The following BRINP3 variants were observed in gnomAD, a reference collection of about 807,000 sequenced individuals.
BRINP3 encodes BMP/retinoic acid-inducible neural-specific protein 3.
Under a neutral mutation model 71.0 loss-of-function variants are expected in BRINP3, and 19 were observed. The ratio of observed to expected loss-of-function variants is 0.27; its 90% CI spans 0.19 to 0.39. The LOEUF (loss-of-function observed/expected upper bound fraction) is 0.39. BRINP3 is among the 10% of genes least tolerant of loss of function. BRINP3 has a pLI of 1.00. For synonymous variants in BRINP3, 380 were observed against 337.7 expected, an observed-to-expected ratio of 1.13 and a Z score of -1.37; for missense variants, 959 against 940.8, an observed-to-expected ratio of 1.02 and a Z score of -0.25.
intron 7 of BRINP3, among the ~76,000 whole-genome samples, chr1:190,145,024 T>C (rs1406637265): frequency 6.6e-6 from 1 of 152,166 alleles, no homozygotes. Flanking sequence ...TGGCATGTCC[T>C]TTTTTTCTTT....
At chr1:190,172,852 C>A (rs1358440650) in intron 6 of BRINP3, among the ~76,000 whole-genome samples, 1 of 152,136 alleles carries the variant, frequency 6.6e-6, no homozygotes, top group East Asian at 1.9e-4. Flanking sequence ...ATAGAAATGG[C>A]AGCATTCCCA....
chr1:190,366,792 T>C (rs1375814181), intron 2 of BRINP3, among the ~76,000 whole-genome samples: 2 of 152,044 alleles, frequency 1.3e-5, no homozygotes, highest in African/African-American at 2.4e-5. Context: ...GTCCAAAATA[T>C]AATAGTGCAG....
At chr1:190,358,548 T>G (rs1207091804) in intron 2 of BRINP3, among the ~76,000 whole-genome samples, 1 of 152,232 alleles carries the variant, frequency 6.6e-6, no homozygotes, top group Non-Finnish European at 1.5e-5. Context: ...ATAGGAACAC[T>G]TTTACACTGT....
intron 2 of BRINP3, among the ~76,000 whole-genome samples, chr1:190,392,442 GTAACT>G (rs945636783): frequency 6.6e-6 from 1 of 151,490 alleles, no homozygotes; most frequent in African/African-American, 2.4e-5. Flanking sequence ...GAAAAGTGAG[GTAACT>G]TGACTTGGTT....
chr1:190,288,502 A>G (rs1275045002), intron 2 of BRINP3, among the ~76,000 whole-genome samples: 1 of 151,960 alleles, frequency 6.6e-6, no homozygotes, highest in Non-Finnish European at 1.5e-5. Flanking sequence ...TATACTCACC[A>G]ATTTAATTCA....
At chr1:190,132,617 T>C (rs371276040) in intron 7 of BRINP3, among the ~76,000 whole-genome samples, 4 of 152,248 alleles carry the variant, frequency 2.6e-5, no homozygotes, top group African/African-American at 4.8e-5. Context: ...ACACATAACA[T>C]AATAAATGAA....
At chr1:190,270,991 T>C (rs948404687) in intron 3 of BRINP3, among the ~76,000 whole-genome samples, 1 of 151,668 alleles carries the variant, frequency 6.6e-6, no homozygotes, top group South Asian at 2.1e-4. Flanking sequence ...TCAAAACATT[T>C]GATCCAATTA....
chr1:190,160,825 G>T lies in BRINP3; in HGVS notation c.1027C>A (p.His343Asn). 1 of 1,613,466 alleles carries T rather than the reference G, an allele frequency of 6.2e-7. No homozygotes were observed. The change falls in exon 7 of 8, where the codon CAT becomes AAT. Residue 343 changes from histidine (H) to asparagine (N), a missense_variant. Transcript: ENST00000367462. ...AAATTAGAATCCATTGTCCACAAAT[G>T]CATTATAGTAGATGTGTTGAGGAAA... ...NYFLNTSTIMHLWTMDSNFQR... is the reference protein window; with the variant it reads ...NYFLNTSTIMNLWTMDSNFQR...
At chr1:190,457,159 T>C (rs1354521263) in intron 1 of BRINP3, among the ~76,000 whole-genome samples, 1 of 152,066 alleles carries the variant, frequency 6.6e-6, no homozygotes, top group East Asian at 1.9e-4. Context: ...ATTCTAGCCC[T>C]GGCCAGGCAC....
chr1:190,320,663 A>C (rs913343702), intron 2 of BRINP3, among the ~76,000 whole-genome samples: 2 of 151,438 alleles, frequency 1.3e-5, no homozygotes, highest in African/African-American at 4.9e-5. Context: ...GGTCATAGTC[A>C]CTCCCACCCC....
In BRINP3 at chr1:190,220,111, G is replaced by T. The variant is rs547220372; in HGVS notation, c.961+5971C>A. On this transcript the variant is annotated intron_variant, in intron 6 of 7. Coordinates refer to ENST00000367462, the MANE Select transcript of BRINP3 (RefSeq NM_199051.3). ...GGTATAGAACGATCTGGGAATACTAGTCAGATTCAATCCCGATAAGACTAC... is the reference window on the plus strand; with the variant it reads ...GGTATAGAACGATCTGGGAATACTATTCAGATTCAATCCCGATAAGACTAC... 1.2e-4 allele frequency among the ~76,000 whole-genome samples: 18 copies of T among 152,148 alleles called. No homozygotes were observed. In the South Asian group the frequency reaches 3.7e-3, roughly 32 times the overall value.
intron 2 of BRINP3, among the ~76,000 whole-genome samples, chr1:190,328,721 G>GAAAAAAAAAAAA (rs201118005): frequency 1.1e-5 from 1 of 87,962 alleles, no homozygotes; most frequent in Admixed American, 1.1e-4. Flanking sequence ...AGACAATGAA[G>GAAAAAAAAAAAA]AAAAAAAAAA....
chr1:190,385,215 A>C (rs1670809930), intron 2 of BRINP3, among the ~76,000 whole-genome samples: 2 of 152,126 alleles, frequency 1.3e-5, no homozygotes, highest in South Asian at 2.1e-4. Context: ...GCAACAAAAG[A>C]CAAAATTGAC....
intron 7 of BRINP3, among the ~76,000 whole-genome samples, chr1:190,138,475 G>A (rs572089013): frequency 2.0e-5 from 3 of 152,314 alleles, no homozygotes; most frequent in Admixed American, 1.3e-4. Flanking sequence ...AAGCAGGTAT[G>A]AGTCAGAAAA....
chr1:190,252,809 T>C (rs1660268047), intron 4 of BRINP3, among the ~76,000 whole-genome samples: 1 of 151,934 alleles, frequency 6.6e-6, no homozygotes, highest in Admixed American at 6.6e-5. Context: ...TACTTTAACT[T>C]CTAGGGTACA....
At chr1:190,101,194 T>C (rs1395395131) in intron 7 of BRINP3, among the ~76,000 whole-genome samples, 1 of 152,202 alleles carries the variant, frequency 6.6e-6, no homozygotes, top group African/African-American at 2.4e-5. Context: ...TGGACTAAGA[T>C]AATTTATTTC....
intron 7 of BRINP3, among the ~76,000 whole-genome samples, chr1:190,145,089 C>A (rs1403797393): frequency 6.6e-6 from 1 of 151,798 alleles, no homozygotes; most frequent in Non-Finnish European, 1.5e-5. Context: ...ATATAATTTG[C>A]CCATTTACTT....
intron 7 of BRINP3, among the ~76,000 whole-genome samples, chr1:190,142,580 T>C (rs1195473564): frequency 6.6e-6 from 1 of 152,174 alleles, no homozygotes; most frequent in Non-Finnish European, 1.5e-5. Flanking sequence ...TGGATACTAA[T>C]TTGAGTGGGG....
In BRINP3 at chr1:190,182,752, C is replaced by T. The variant is rs928555275; in HGVS notation, c.962-21862G>A. ...AGATAATATTTAGCATGAGGAAAAC[C>T]CTTACCAGAAAGACAAACAATGTGA... On this transcript the variant is annotated intron_variant, in intron 6 of 7. Coordinates refer to ENST00000367462, the MANE Select transcript of BRINP3 (RefSeq NM_199051.3). Among the ~76,000 whole-genome samples the T allele has an allele frequency of 7.0e-4, 106 of 152,064 alleles. 1 individual carries two copies. Among genetic ancestry groups the T allele is most frequent in the Non-Finnish European group, 4.0e-4 (27 of 67,958 alleles).
Sources: allele counts gnomAD v4.1 joint callset (sites outside exome capture counted in the v4.1 genomes callset), GRCh38; gene constraint gnomAD v4.1.1; transcripts MANE v1.5; gene names NCBI Gene and HGNC (gene_info 2026-07-23, HGNC 2026-07-21).